MBD5: variants seen among roughly 807,000 people sequenced by gnomAD.
MBD5 encodes methyl-CpG-binding domain protein 5.
A neutral mutation model predicts 117.3 loss-of-function variants in MBD5; 13 were observed. The observed-to-expected ratio is 0.11, with a 90% CI of 0.07 to 0.18. MBD5 has a LOEUF of 0.18. Among genes scored for constraint, MBD5 ranks in the 10% least tolerant of loss-of-function variants. The probability of loss-of-function intolerance (pLI) is 1.00; values close to 1 mark genes in which losing one functional copy is unlikely to be tolerated. For synonymous variants in MBD5, 727 were observed against 766.4 expected, an observed-to-expected ratio of 0.95 and a Z score of 0.85; for missense variants, 1,879 against 2,093.8, an observed-to-expected ratio of 0.90 and a Z score of 2.00.
intron 2 of MBD5, among the ~76,000 whole-genome samples, chr2:148,231,728 G>A (rs541437848): frequency 6.6e-6 from 1 of 152,266 alleles, no homozygotes; most frequent in South Asian, 2.1e-4. Flanking sequence ...TTTCCCAGAC[G>A]TCTTGGATGG....
intron 2 of MBD5, among the ~76,000 whole-genome samples, chr2:148,197,786 C>A (rs1248296299): frequency 1.4e-5 from 2 of 139,890 alleles, no homozygotes; most frequent in African/African-American, 5.3e-5. Context: ...TGTGTCATAG[C>A]ATCTGAGGTT....
chr2:148,173,962 A>G (rs1020020215), intron 1 of MBD5, among the ~76,000 whole-genome samples: 1 of 152,226 alleles, frequency 6.6e-6, no homozygotes, highest in Non-Finnish European at 1.5e-5. Flanking sequence ...ATGGAACCAC[A>G]ACAAAAACTT....
At chr2:148,481,989 G>A (rs1011030117) in intron 8 of MBD5, among the ~76,000 whole-genome samples, 1 of 152,050 alleles carries the variant, frequency 6.6e-6, no homozygotes, top group African/African-American at 2.4e-5. Context: ...AAAATCATAA[G>A]TACAAAGTAT....
intron 2 of MBD5, among the ~76,000 whole-genome samples, chr2:148,195,524 A>T (rs1698961280): frequency 6.6e-6 from 1 of 152,202 alleles, no homozygotes; most frequent in African/African-American, 2.4e-5. Flanking sequence ...AGAAAATAGA[A>T]ACCTTCAACA....
chr2:148,487,030 G>T (rs1222625112), intron 10 of MBD5, among the ~76,000 whole-genome samples: 6 of 152,160 alleles, frequency 3.9e-5, no homozygotes, highest in Non-Finnish European at 7.3e-5. Flanking sequence ...CAAAAATTAT[G>T]AACCACTCCA....
intron 1 of MBD5, among the ~76,000 whole-genome samples, chr2:148,145,940 G>A (rs769548038): frequency 1.3e-5 from 2 of 152,134 alleles, no homozygotes; most frequent in Non-Finnish European, 2.9e-5. Flanking sequence ...CCAGGCTTTG[G>A]TATCAGGATG....
chr2:148,337,324 G>T (rs983043798), intron 3 of MBD5, among the ~76,000 whole-genome samples: 1 of 152,098 alleles, frequency 6.6e-6, no homozygotes, highest in African/African-American at 2.4e-5. Flanking sequence ...TTATATAAAA[G>T]AAAATGGTTA....
chr2:148,416,191 G>T (rs1705412283), intron 4 of MBD5, among the ~76,000 whole-genome samples: 1 of 152,166 alleles, frequency 6.6e-6, no homozygotes. Context: ...GGTGGGTTCA[G>T]TTGATTGGCT....
chr2:148,514,636 C>G lies in MBD5; in HGVS notation c.*1695C>G, dbSNP rs1682303378. 3 of 152,414 alleles carry G rather than the reference C, an allele frequency of 2.0e-5. No individual in the cohort carries two copies. The highest frequency in any genetic ancestry group is 7.2e-5 in the African/African-American group (3 of 41,434). The allele number at this position is 152,414 out of a possible 1,614,324, so 9.4% of individuals were successfully genotyped here. On this transcript the variant is annotated 3_prime_UTR_variant, in exon 14 of 14. Transcript: ENST00000642680. ...CACCTCAAACTGCCCACCACCTCTC[C>G]TACTGCTCCTCTCCCACCCACCACC...
At chr2:148,421,362 G>A (rs976228354) in intron 4 of MBD5, among the ~76,000 whole-genome samples, 1 of 152,114 alleles carries the variant, frequency 6.6e-6, no homozygotes, top group Admixed American at 6.6e-5. Flanking sequence ...AAGCCATGAG[G>A]GGCTGTGCCA....
chr2:148,284,359 A>G (rs776439258), intron 3 of MBD5, among the ~76,000 whole-genome samples: 3 of 152,198 alleles, frequency 2.0e-5, no homozygotes, highest in Non-Finnish European at 4.4e-5. Flanking sequence ...TTCCAAAGGT[A>G]TGATTACTAA....
intron 1 of MBD5, among the ~76,000 whole-genome samples, chr2:148,077,617 C>T (rs1695539717): frequency 6.6e-6 from 1 of 152,052 alleles, no homozygotes; most frequent in East Asian, 1.9e-4. Context: ...ATATAGTGTC[C>T]TGCTCCATAT....
intron 6 of MBD5, among the ~76,000 whole-genome samples, chr2:148,463,391 T>C (rs1574452791): frequency 1.3e-5 from 2 of 152,148 alleles, no homozygotes; most frequent in Non-Finnish European, 2.9e-5. Context: ...TGTAGAAATA[T>C]CATAGCTTTT....
chr2:148,094,508 A>G (rs1231189660), intron 1 of MBD5, among the ~76,000 whole-genome samples: 1 of 152,128 alleles, frequency 6.6e-6, no homozygotes, highest in Non-Finnish European at 1.5e-5. Context: ...GTCAACTCCT[A>G]AGAGAAGTTA....
At chr2:148,373,869 T>C (rs1217105552) in intron 4 of MBD5, among the ~76,000 whole-genome samples, 4 of 152,134 alleles carry the variant, frequency 2.6e-5, no homozygotes, top group African/African-American at 9.7e-5. Flanking sequence ...TTTCTTTCAG[T>C]GATGAATACA....
At chr2:148,446,602 CTGTGTGTG>C (rs1185100489) in intron 4 of MBD5, among the ~76,000 whole-genome samples, 3 of 148,782 alleles carry the variant, frequency 2.0e-5, no homozygotes, top group East Asian at 2.0e-4. Flanking sequence ...GATTATTTAT[CTGTGTGTG>C]TGTGTGTGTG....
chr2:148,153,702 A>G (rs370936251), intron 1 of MBD5, among the ~76,000 whole-genome samples: 13 of 143,800 alleles, frequency 9.0e-5, no homozygotes, highest in African/African-American at 1.3e-4. Flanking sequence ...ATCTTCCATC[A>G]CTGATACCCT....
chr2:148,326,682 T>G (rs1183418462), intron 3 of MBD5, among the ~76,000 whole-genome samples: 15 of 150,676 alleles, frequency 1.0e-4, no homozygotes, highest in South Asian at 2.1e-4. Flanking sequence ...TGTTTTCCAT[T>G]TGCTTGGTAG....
chr2:148,433,188 T>C (rs981931081), intron 4 of MBD5, among the ~76,000 whole-genome samples: 1 of 152,192 alleles, frequency 6.6e-6, no homozygotes, highest in African/African-American at 2.4e-5. Context: ...TGTATGGGAA[T>C]GCTACTGATT....
Sources: allele counts gnomAD v4.1 joint callset (sites outside exome capture counted in the v4.1 genomes callset), GRCh38; gene constraint gnomAD v4.1.1; transcripts MANE v1.5; gene names NCBI Gene and HGNC (gene_info 2026-07-23, HGNC 2026-07-21).